ZNF804B: variants seen among roughly 807,000 people sequenced by gnomAD.
ZNF804B encodes the protein zinc finger protein 804B.
Under a neutral mutation model 101.4 loss-of-function variants are expected in ZNF804B, and 80 were observed. The observed-to-expected ratio is 0.79, with a 90% CI of 0.66 to 0.95. ZNF804B has a LOEUF of 0.95. Ranked by LOEUF, ZNF804B falls within the 40% of genes least tolerant of loss-of-function variation. ZNF804B has a pLI of 0.00. For missense variants in ZNF804B, 1,673 were observed against 1,561.9 expected (o/e 1.07, Z -1.20); for synonymous variants, 622 against 558.8 (o/e 1.11, Z -1.59).
intron 1 of ZNF804B, among the ~76,000 whole-genome samples, chr7:89,171,183 A>G (rs1052221076): frequency 6.6e-6 from 1 of 152,192 alleles, no homozygotes; most frequent in African/African-American, 2.4e-5. Context: ...CAACAGCAGT[A>G]ATAAATTATT....
chr7:89,275,247 G>A (rs1789961661), intron 2 of ZNF804B, among the ~76,000 whole-genome samples: 2 of 151,834 alleles, frequency 1.3e-5, no homozygotes, highest in South Asian at 4.1e-4. Context: ...AGGAAAACAT[G>A]TTTCTCTACT....
chr7:89,041,281 G>A (rs1789013914), intron 1 of ZNF804B, among the ~76,000 whole-genome samples: 1 of 152,178 alleles, frequency 6.6e-6, no homozygotes, highest in African/African-American at 2.4e-5. Flanking sequence ...GTTTACTAGA[G>A]TGGGCCTGGA....
At chr7:88,926,408 G>A (rs1792798132) in intron 1 of ZNF804B, among the ~76,000 whole-genome samples, 2 of 141,516 alleles carry the variant, frequency 1.4e-5, no homozygotes, top group Admixed American at 7.2e-5. Flanking sequence ...TCAACATGGC[G>A]AAACCCCATG....
chr7:88,780,585 C>T (rs1459150814), intron 1 of ZNF804B, among the ~76,000 whole-genome samples: 1 of 151,650 alleles, frequency 6.6e-6, no homozygotes, highest in Non-Finnish European at 1.5e-5. Flanking sequence ...AAGGGTTCCA[C>T]CATATTGCCC....
chr7:89,138,709 T>C (rs913283476), intron 1 of ZNF804B, among the ~76,000 whole-genome samples: 1 of 151,998 alleles, frequency 6.6e-6, no homozygotes, highest in Non-Finnish European at 1.5e-5. Context: ...TGGGAGGTAA[T>C]TGAATCATAG....
At chr7:88,831,503 A>G (rs573688657) in intron 1 of ZNF804B, among the ~76,000 whole-genome samples, 2 of 115,878 alleles carry the variant, frequency 1.7e-5, no homozygotes, top group Non-Finnish European at 3.4e-5. Flanking sequence ...AAATTTTGAG[A>G]AATCAAATTG....
rs192970115 is a variant in ZNF804B at position 89,312,063 on chromosome 7, T to C, written c.250-15281T>C. 3.9e-4 allele frequency among the ~76,000 whole-genome samples: 60 copies of C among 152,234 alleles called. 1 individual carries two copies. Among genetic ancestry groups the C allele is most frequent in the African/African-American group, 1.3e-3 (52 of 41,550 alleles). On this transcript the variant is annotated intron_variant, in intron 2 of 3. Transcript: ENST00000333190. ...GAATTTCTCAGATGATCCTGAGCCT[T>C]GAAAAGGAATGGTGTGGCTTGCCTG...
At chr7:88,887,935 T>C (rs1177079164) in intron 1 of ZNF804B, among the ~76,000 whole-genome samples, 2 of 152,182 alleles carry the variant, frequency 1.3e-5, no homozygotes, top group African/African-American at 4.8e-5. Context: ...TATCTGAGAA[T>C]TGCTATTTCA....
At position 89,000,555 on chromosome 7, in the gene ZNF804B, G is replaced by T. The variant is rs184639001; in HGVS notation, c.109-217600G>T. 3.2e-3 allele frequency among the ~76,000 whole-genome samples: 493 copies of T among 151,874 alleles called. 2 individuals are homozygous for T. The highest frequency in any genetic ancestry group is 9.7e-3 in the South Asian group (47 of 4,826). On this transcript the variant is annotated intron_variant, in intron 1 of 3. Transcript: ENST00000333190. Reference sequence around the variant, plus strand: ...TTAATCAAATTAGTTTACATGTTTTGCCTCACTGTGCTGTATATTAGATCC... The same window carrying T: ...TTAATCAAATTAGTTTACATGTTTTTCCTCACTGTGCTGTATATTAGATCC...
intron 2 of ZNF804B, among the ~76,000 whole-genome samples, chr7:89,296,811 G>GT (rs979273288): frequency 1.3e-5 from 2 of 151,978 alleles, no homozygotes; most frequent in African/African-American, 4.8e-5. Context: ...AGGTAATTCT[G>GT]TAACACTTTC....
intron 1 of ZNF804B, among the ~76,000 whole-genome samples, chr7:88,899,904 A>T (rs1039519749): frequency 6.6e-6 from 1 of 152,176 alleles, no homozygotes; most frequent in Admixed American, 6.5e-5. Flanking sequence ...ATTTTATGAG[A>T]TAATTAACAT....
intron 1 of ZNF804B, among the ~76,000 whole-genome samples, chr7:88,893,082 A>G (rs539479040): frequency 2.6e-5 from 4 of 151,966 alleles, no homozygotes; most frequent in Non-Finnish European, 5.9e-5. Context: ...GAGGTTCCAG[A>G]TTTTGCTTCT....
chr7:89,289,311 C>T (rs1000647367), intron 2 of ZNF804B, among the ~76,000 whole-genome samples: 1 of 151,814 alleles, frequency 6.6e-6, no homozygotes, highest in Non-Finnish European at 1.5e-5. Flanking sequence ...ATCGTCTGCC[C>T]CATAGGAACA....
chr7:88,768,949 T>A (rs1790024003), intron 1 of ZNF804B, among the ~76,000 whole-genome samples: 1 of 152,178 alleles, frequency 6.6e-6, no homozygotes, highest in Non-Finnish European at 1.5e-5. Flanking sequence ...AGTTTTAACT[T>A]CTTCACAGTG....
chr7:89,300,335 T>C (rs1292022499), intron 2 of ZNF804B, among the ~76,000 whole-genome samples: 1 of 151,812 alleles, frequency 6.6e-6, no homozygotes, highest in Non-Finnish European at 1.5e-5. Context: ...GTCCTTCTCT[T>C]CCATGTGAAT....
chr7:88,948,627 G>A (rs1051108286), intron 1 of ZNF804B, among the ~76,000 whole-genome samples: 2 of 151,790 alleles, frequency 1.3e-5, no homozygotes, highest in Non-Finnish European at 2.9e-5. Context: ...TCTGATAAGA[G>A]CCCTGCCTAA....
At chr7:89,236,490 A>G (rs1789283433) in intron 2 of ZNF804B, among the ~76,000 whole-genome samples, 1 of 152,140 alleles carries the variant, frequency 6.6e-6, no homozygotes, top group South Asian at 2.1e-4. Flanking sequence ...ATATAGAGAA[A>G]AGAAATAATT....
intron 1 of ZNF804B, among the ~76,000 whole-genome samples, chr7:89,180,298 G>A (rs1262888392): frequency 6.6e-6 from 1 of 152,164 alleles, no homozygotes; most frequent in East Asian, 1.9e-4. Context: ...GCTAGGGCCT[G>A]AAGTCAGGAA....
intron 1 of ZNF804B, among the ~76,000 whole-genome samples, chr7:88,873,474 T>C (rs1227935259): frequency 6.6e-6 from 1 of 152,214 alleles, no homozygotes; most frequent in African/African-American, 2.4e-5. Flanking sequence ...TTTAGTTTAA[T>C]TAGATCCCAT....
Sources: allele counts gnomAD v4.1 joint callset (sites outside exome capture counted in the v4.1 genomes callset), GRCh38; gene constraint gnomAD v4.1.1; transcripts MANE v1.5; gene names NCBI Gene and HGNC (gene_info 2026-07-23, HGNC 2026-07-21).